Variants in AGMO observed in about 807,000 individuals in gnomAD.
AGMO encodes the protein glyceryl-ether monooxygenase.
Under a neutral mutation model 60.2 loss-of-function variants are expected in AGMO, and 75 were observed. That is an observed-to-expected ratio of 1.25 (90% CI 1.03 to 1.51). AGMO has a LOEUF of 1.51. Among genes scored for constraint, AGMO ranks in the 40% most tolerant of loss-of-function variants. The pLI is 0.00. For missense variants in AGMO, 763 were observed against 525.5 expected (o/e 1.45, Z -4.42); for synonymous variants, 261 against 177.1 (o/e 1.47, Z -3.76).
intron 12 of AGMO, among the ~76,000 whole-genome samples, chr7:15,271,490 T>A (rs888090466): frequency 6.6e-6 from 1 of 152,186 alleles, no homozygotes; most frequent in Non-Finnish European, 1.5e-5. Context: ...TGTATAGCAA[T>A]ATTAACTATC....
chr7:15,391,073 G>T (rs984683733), intron 6 of AGMO, among the ~76,000 whole-genome samples, 168 bp from the exon 7 acceptor site: 1 of 151,862 alleles, frequency 6.6e-6, no homozygotes, highest in Non-Finnish European at 1.5e-5. Context: ...GTCTAATAAT[G>T]GAATTTTTAT....
At chr7:15,396,499 C>G (rs1039356300) in intron 5 of AGMO, 3 of 152,220 alleles carry the variant, frequency 2.0e-5, no homozygotes, top group East Asian at 1.9e-4. Flanking sequence ...ACCCAAAGAA[C>G]GAGCAGCAGC....
At chr7:15,313,940 G>T (rs141931327) in intron 12 of AGMO, among the ~76,000 whole-genome samples, 185 of 151,900 alleles carry the variant, frequency 1.2e-3, no homozygotes, top group African/African-American at 3.8e-3. Flanking sequence ...TGTGAGATGA[G>T]AAAATGCCTA....
rs377288853 is a variant in AGMO at position 15,540,959 on chromosome 7, G to C, written c.409+3813C>G. 7.9e-5 allele frequency among the ~76,000 whole-genome samples: 12 copies of C among 152,218 alleles called. No individual in the cohort carries two copies. In the South Asian group the frequency reaches 2.3e-3, roughly 29 times the overall value. Reference sequence around the variant, plus strand: ...AAGGCAAGATAGAGCTTATTATCAGGACCCTGAAGGTCTCATTCTTGTTCC... The same window carrying C: ...AAGGCAAGATAGAGCTTATTATCAGCACCCTGAAGGTCTCATTCTTGTTCC... On this transcript the variant is annotated intron_variant, in intron 3 of 12. Coordinates refer to ENST00000342526, the MANE Select transcript of AGMO (RefSeq NM_001004320.2).
At chr7:15,334,231 A>G (rs1781582343) in intron 12 of AGMO, among the ~76,000 whole-genome samples, 1 of 152,114 alleles carries the variant, frequency 6.6e-6, no homozygotes, top group Admixed American at 6.6e-5. Flanking sequence ...AATGACATAT[A>G]GAAATGTAAA....
intron 12 of AGMO, among the ~76,000 whole-genome samples, chr7:15,317,284 A>G (rs1157671544): frequency 6.6e-6 from 1 of 152,192 alleles, no homozygotes; most frequent in Non-Finnish European, 1.5e-5. Context: ...TAATGTATAT[A>G]AGGTATGAAT....
At chr7:15,379,113 C>A (rs1783574495) in intron 10 of AGMO, among the ~76,000 whole-genome samples, 1 of 152,010 alleles carries the variant, frequency 6.6e-6, no homozygotes, top group African/African-American at 2.4e-5. Flanking sequence ...TAGGACACAG[C>A]TAAGGCAGTG....
At chr7:15,366,719 C>G (rs1214938873) in intron 10 of AGMO, among the ~76,000 whole-genome samples, 2 of 152,120 alleles carry the variant, frequency 1.3e-5, no homozygotes, top group Non-Finnish European at 2.9e-5. Context: ...TTGATTCAAT[C>G]TACATGCTCA....
chr7:15,233,530 C>T (rs1278787600), intron 12 of AGMO, among the ~76,000 whole-genome samples: 1 of 151,378 alleles, frequency 6.6e-6, no homozygotes, highest in Non-Finnish European at 1.5e-5. Flanking sequence ...GGAGCTATTG[C>T]TTAATGGTTA....
the AGMO span, among the ~76,000 whole-genome samples, chr7:15,143,306 T>A: frequency 6.6e-6 from 1 of 152,202 alleles, no homozygotes; most frequent in African/African-American, 2.4e-5. Flanking sequence ...CCTGACGTCA[T>A]GCATTGTAAA....
At chr7:15,322,249 G>T (rs1444981093) in intron 12 of AGMO, among the ~76,000 whole-genome samples, 3 of 148,040 alleles carry the variant, frequency 2.0e-5, no homozygotes, top group South Asian at 4.2e-4. Context: ...TATAATATAA[G>T]AAATACCAAG....
intron 3 of AGMO, among the ~76,000 whole-genome samples, chr7:15,518,418 G>A (rs925262458): frequency 6.6e-6 from 1 of 152,136 alleles, no homozygotes; most frequent in Non-Finnish European, 1.5e-5. Context: ...TCATACAGGA[G>A]AGCTCTGTCT....
intron 12 of AGMO, among the ~76,000 whole-genome samples, chr7:15,332,947 G>C (rs1040353074): frequency 6.6e-6 from 1 of 152,088 alleles, no homozygotes; most frequent in Admixed American, 6.6e-5. Context: ...AAAGTTAAAT[G>C]TATCAGTTCC....
chr7:15,347,864 T>TA (rs1192270988), intron 12 of AGMO, among the ~76,000 whole-genome samples: 1 of 151,990 alleles, frequency 6.6e-6, no homozygotes, highest in Non-Finnish European at 1.5e-5. Context: ...TATAAATACT[T>TA]TATTAAATAC....
intron 5 of AGMO, among the ~76,000 whole-genome samples, chr7:15,401,030 T>A (rs2128489650): frequency 6.6e-6 from 1 of 152,182 alleles, no homozygotes; most frequent in African/African-American, 2.4e-5. Context: ...CTGAAATAAT[T>A]TTCCTATGGA....
intron 12 of AGMO, among the ~76,000 whole-genome samples, chr7:15,319,282 G>T (rs951122721): frequency 5.3e-5 from 8 of 152,138 alleles, no homozygotes; most frequent in African/African-American, 1.9e-4. Context: ...GTAGGAAATG[G>T]GAAAGGACAA....
At chr7:15,320,224 C>G (rs1781066986) in intron 12 of AGMO, among the ~76,000 whole-genome samples, 3 of 151,880 alleles carry the variant, frequency 2.0e-5, no homozygotes, top group Admixed American at 2.0e-4. Context: ...AACAAACCTG[C>G]ACGTTTTACA....
the AGMO span, among the ~76,000 whole-genome samples, chr7:15,161,299 A>G: frequency 6.6e-6 from 1 of 152,188 alleles, no homozygotes; most frequent in Non-Finnish European, 1.5e-5. Flanking sequence ...CTTTGCAAGA[A>G]AAAAGACAAA....
chr7:15,413,391 G>C (rs1415174851), intron 5 of AGMO, among the ~76,000 whole-genome samples: 2 of 152,132 alleles, frequency 1.3e-5, no homozygotes, highest in Non-Finnish European at 2.9e-5. Flanking sequence ...GAGGGGAGTA[G>C]AAAGAGAAAA....
Sources: gnomAD v4.1 joint callset for allele counts (sites outside exome capture counted in the v4.1 genomes callset) on GRCh38, gnomAD v4.1.1 for gene constraint, MANE v1.5 for transcripts, NCBI Gene and HGNC (gene_info 2026-07-23, HGNC 2026-07-21) for gene names.